OCIAD1: variants seen among roughly 807,000 people sequenced by gnomAD.
The protein encoded by OCIAD1 is OCIA domain-containing protein 1.
Under a neutral mutation model 38.9 loss-of-function variants are expected in OCIAD1, and 29 were observed. The observed-to-expected ratio is 0.74, with a 90% CI of 0.55 to 1.02. OCIAD1 has a LOEUF of 1.02. Among genes scored for constraint, OCIAD1 ranks in the 50% least tolerant of loss-of-function variants. The pLI is 0.00. For missense variants in OCIAD1, 288 were observed against 289.6 expected, an observed-to-expected ratio of 0.99 and a Z score of 0.04; for synonymous variants, 110 against 92.0, an observed-to-expected ratio of 1.20 and a Z score of -1.12.
intron 1 of OCIAD1, among the ~76,000 whole-genome samples, chr4:48,814,752 A>T (rs1777128598): frequency 2.0e-5 from 3 of 152,184 alleles, no homozygotes; most frequent in Non-Finnish European, 1.5e-5. Flanking sequence ...AGAAAAACAA[A>T]AAAGAACTCA....
chr4:48,835,580 T>A (rs1777908362), intron 3 of OCIAD1, among the ~76,000 whole-genome samples: 1 of 152,080 alleles, frequency 6.6e-6, no homozygotes, highest in Non-Finnish European at 1.5e-5. Flanking sequence ...ACACCTGTAA[T>A]CCCAGCACCT....
At chr4:48,805,204 C>A (rs1456469852), upstream of OCIAD1, 1 of 152,194 alleles carries the variant, frequency 6.6e-6, no homozygotes, top group Non-Finnish European at 1.5e-5. Context: ...ACTCAACCAG[C>A]ACTAAGGAGA....
chr4:48,852,061 T>TC lies in OCIAD1; in HGVS notation c.547+87dup, dbSNP rs1374576564. 3 of 941,958 alleles carry TC rather than the reference T, an allele frequency of 3.2e-6. No homozygotes were observed. The African/African-American group carries it at 5.0e-5, about 16-fold the overall frequency. 58.3% of individuals were successfully genotyped at this position (941,958 alleles called of 1,614,324 possible). ...ATTTGATGACCTTTTCTGCTGGATA[T>TC]CACCTGTGTGTTCTACCATCAATCA... On this transcript the variant is annotated intron_variant, in intron 7 of 8. Coordinates refer to ENST00000264312, the MANE Select transcript of OCIAD1 (RefSeq NM_017830.4).
intron 1 of OCIAD1, among the ~76,000 whole-genome samples, chr4:48,814,450 G>C (rs979932623): frequency 2.0e-5 from 3 of 151,836 alleles, no homozygotes; most frequent in Non-Finnish European, 4.4e-5. Flanking sequence ...AGACAGATTG[G>C]TGTTTGAATG....
chr4:48,860,869 A>G lies in OCIAD1; in HGVS notation c.*107A>G. On this transcript the variant is annotated 3_prime_UTR_variant, in exon 9 of 9. Coordinates refer to ENST00000264312, the MANE Select transcript of OCIAD1 (RefSeq NM_017830.4). ...AGCAGCAGTCTTCATAAACACATTT[A>G]AAACAAGATCCTGGGTTTTTGTGGT... 1.2e-6 allele frequency: 1 copy of G among 817,386 alleles called. No homozygotes were observed. The highest frequency in any genetic ancestry group is 1.5e-5 in the South Asian group (1 of 66,860). The allele number at this position is 817,386 out of a possible 1,614,324, so 50.6% of individuals were successfully genotyped here.
At chr4:48,815,141 A>G (rs1777132572) in intron 1 of OCIAD1, among the ~76,000 whole-genome samples, 1 of 151,972 alleles carries the variant, frequency 6.6e-6, no homozygotes, top group Non-Finnish European at 1.5e-5. Flanking sequence ...GTGAAACCCC[A>G]TCTCTACTAA....
intron 1 of OCIAD1, chr4:48,831,664 G>A: frequency 1.3e-6 from 1 of 756,792 alleles, no homozygotes; most frequent in African/African-American, 1.8e-5. Context: ...ATGCCGTTAT[G>A]GGAAATAAGA....
chr4:48,806,453 C>T (rs1777025940), intron 1 of OCIAD1, among the ~76,000 whole-genome samples: 1 of 151,898 alleles, frequency 6.6e-6, no homozygotes, highest in African/African-American at 2.4e-5. Flanking sequence ...GAACACTCTA[C>T]CTTTTTCTTG....
At chr4:48,823,922 C>T (rs935529309) in intron 1 of OCIAD1, among the ~76,000 whole-genome samples, 4 of 136,458 alleles carry the variant, frequency 2.9e-5, no homozygotes, top group African/African-American at 1.1e-4. Context: ...CTGCTTTGGC[C>T]TCCCAAAGTA....
intron 4 of OCIAD1, among the ~76,000 whole-genome samples, chr4:48,847,420 T>C (rs191004068): frequency 6.6e-6 from 1 of 152,274 alleles, no homozygotes; most frequent in East Asian, 1.9e-4. Context: ...GTTAATAGAG[T>C]CCAATTTATC....
At chr4:48,854,264 G>A (rs908158464) in intron 7 of OCIAD1, among the ~76,000 whole-genome samples, 5 of 152,200 alleles carry the variant, frequency 3.3e-5, no homozygotes, top group Admixed American at 3.3e-4. Flanking sequence ...GGCATGTAGT[G>A]TAGACAGTGT....
At position 48,860,914 on chromosome 4, in the gene OCIAD1, A is replaced by T. The variant is rs1164122268; in HGVS notation, c.*152A>T. 10 of 653,484 alleles carry T rather than the reference A, an allele frequency of 1.5e-5. No homozygotes were observed. Among genetic ancestry groups the T allele is most frequent in the East Asian group, 2.6e-5 (1 of 38,072 alleles). The allele number at this position is 653,484 out of a possible 1,614,324, so 40.5% of individuals were successfully genotyped here. ...TGTGGTTTGACTTCTATGGTGTTTT[A>T]AAAAAACACAGATTTTTAGTGTTAA... On this transcript the variant is annotated 3_prime_UTR_variant, in exon 9 of 9. Transcript: ENST00000264312.
chr4:48,859,569 A>AAAAC (rs1212187908), intron 8 of OCIAD1, among the ~76,000 whole-genome samples: 1 of 152,136 alleles, frequency 6.6e-6, no homozygotes, highest in Non-Finnish European at 1.5e-5. Context: ...GACATTTTTG[A>AAAAC]TTTTTGACTG....
exon 1 of OCIAD1, chr4:48,805,236 A>T (rs149743601): frequency 6.6e-6 from 1 of 152,308 alleles, no homozygotes; most frequent in Non-Finnish European, 1.5e-5. Context: ...CTCTGCTAGC[A>T]ATCATGTCAG....
intron 4 of OCIAD1, among the ~76,000 whole-genome samples, chr4:48,844,996 G>T (rs1459349749): frequency 1.3e-5 from 2 of 151,852 alleles, no homozygotes; most frequent in African/African-American, 2.4e-5. Flanking sequence ...ATCCGCAGTT[G>T]GTTGCAGAAC....
intron 1 of OCIAD1, among the ~76,000 whole-genome samples, chr4:48,817,412 G>T (rs1364119820): frequency 1.3e-5 from 2 of 151,748 alleles, no homozygotes; most frequent in Admixed American, 1.3e-4. Flanking sequence ...TACCCAGCCG[G>T]GTTACTACAC....
intron 8 of OCIAD1, among the ~76,000 whole-genome samples, chr4:48,859,354 C>T (rs1172832032): frequency 6.6e-6 from 1 of 151,938 alleles, no homozygotes; most frequent in Non-Finnish European, 1.5e-5. Flanking sequence ...GGTACTTTGT[C>T]CTGCTAATTA....
chr4:48,825,592 G>T (rs1403618780), intron 1 of OCIAD1, among the ~76,000 whole-genome samples: 5 of 152,172 alleles, frequency 3.3e-5, no homozygotes, highest in Non-Finnish European at 5.9e-5. Flanking sequence ...CCCAAAGAAG[G>T]TTGCTTATAA....
At chr4:48,822,955 G>T (rs747469306) in intron 1 of OCIAD1, among the ~76,000 whole-genome samples, 3 of 152,202 alleles carry the variant, frequency 2.0e-5, no homozygotes, top group Non-Finnish European at 2.9e-5. Context: ...GTGTAAATTA[G>T]TTCAACCATT....
Sources: gnomAD v4.1 joint callset for allele counts (sites outside exome capture counted in the v4.1 genomes callset) on GRCh38, gnomAD v4.1.1 for gene constraint, MANE v1.5 for transcripts, NCBI Gene and HGNC (gene_info 2026-07-23, HGNC 2026-07-21) for gene names.